ZNF521: variants seen among roughly 807,000 people sequenced by gnomAD.
ZNF521 encodes the protein LYST-interacting protein 3.
ZNF521 carries 14 observed loss-of-function variants against 105.5 expected under a neutral mutation model. The ratio of observed to expected loss-of-function variants is 0.13; its 90% CI spans 0.09 to 0.21. The LOEUF is 0.21. Among genes scored for constraint, ZNF521 ranks in the 10% least tolerant of loss-of-function variants. ZNF521 has a pLI of 1.00. For missense variants in ZNF521, 1,233 were observed against 1,629.7 expected, an observed-to-expected ratio of 0.76 and a Z score of 4.19; for synonymous variants, 635 against 606.0, an observed-to-expected ratio of 1.05 and a Z score of -0.70.
intron 3 of ZNF521, among the ~76,000 whole-genome samples, chr18:25,256,311 GAA>G (rs901141326): frequency 1.9e-4 from 29 of 152,144 alleles, no homozygotes; most frequent in African/African-American, 6.0e-4. Context: ...TTTGCAAGAT[GAA>G]AAGAGTTCTG....
rs534573339 is a variant in ZNF521 at position 25,334,135 on chromosome 18, A to C, written c.41-11948T>G. Reference sequence around the variant, plus strand: ...CTTCCAGAGGCATTCAATTTTTTTTAATCAGAAGACAAAGCCTTTAATTAT... The same window carrying C: ...CTTCCAGAGGCATTCAATTTTTTTTCATCAGAAGACAAAGCCTTTAATTAT... On this transcript the variant is annotated intron_variant, in intron 2 of 7. Coordinates refer to ENST00000361524, the MANE Select transcript of ZNF521 (RefSeq NM_015461.3). Among the ~76,000 whole-genome samples the C allele has an allele frequency of 2.6e-5, 4 of 152,282 alleles. No homozygotes were observed. The South Asian group carries it at 8.3e-4, about 32-fold the overall frequency.
chr18:25,083,790 GTC>G (rs538440894), intron 7 of ZNF521, among the ~76,000 whole-genome samples: 42 of 149,570 alleles, frequency 2.8e-4, no homozygotes, highest in Admixed American at 4.7e-4. Context: ...TTGAGACAAG[GTC>G]TCTCTCTCTC....
chr18:25,105,027 A>G (rs1480716259), intron 5 of ZNF521, among the ~76,000 whole-genome samples: 1 of 152,214 alleles, frequency 6.6e-6, no homozygotes, highest in Non-Finnish European at 1.5e-5. Flanking sequence ...AATAATTCTC[A>G]AAGAATTAGA....
intron 3 of ZNF521, among the ~76,000 whole-genome samples, chr18:25,270,361 G>A (rs1909568818): frequency 1.3e-5 from 2 of 152,126 alleles, no homozygotes; most frequent in African/African-American, 4.8e-5. Flanking sequence ...AGAGGAGCTG[G>A]TACCATTCCT....
chr18:25,162,958 A>G (rs1038350253), intron 5 of ZNF521, among the ~76,000 whole-genome samples: 4 of 152,176 alleles, frequency 2.6e-5, no homozygotes, highest in Non-Finnish European at 2.9e-5. Context: ...TTATTTAACT[A>G]TTAATCTAAG....
intron 3 of ZNF521, among the ~76,000 whole-genome samples, chr18:25,265,580 G>A (rs1909194343): frequency 6.6e-6 from 1 of 152,088 alleles, no homozygotes; most frequent in Admixed American, 6.6e-5. Flanking sequence ...CAATACGACT[G>A]TTCTCCAGCA....
At chr18:25,089,145 C>T (rs1031331119) in intron 7 of ZNF521, among the ~76,000 whole-genome samples, 2 of 152,128 alleles carry the variant, frequency 1.3e-5, no homozygotes, top group Admixed American at 1.3e-4. Flanking sequence ...ATGAATAAAA[C>T]AGGATTTGGG....
In ZNF521 at chr18:25,116,963, G is replaced by GTATATATACACA; in HGVS notation, c.3659-24883_3659-24882insTGTGTATATATA. ...TATATACACATATATATGTATATAT[G>GTATATATACACA]TATATATATGTATATATATATACAC... On this transcript the variant is annotated intron_variant, in intron 5 of 7. Transcript: ENST00000361524. Among the ~76,000 whole-genome samples, 4 of 85,750 alleles carry GTATATATACACA rather than the reference G, an allele frequency of 4.7e-5. 1 individual carries two copies. The highest frequency in any genetic ancestry group is 2.1e-4 in the African/African-American group (4 of 18,634). The allele number at this position is 85,750 out of a possible 152,430, so 56.3% of individuals were successfully genotyped here.
intron 2 of ZNF521, among the ~76,000 whole-genome samples, chr18:25,344,016 G>T (rs1914348657): frequency 6.6e-6 from 1 of 152,030 alleles, no homozygotes; most frequent in South Asian, 2.1e-4. Context: ...AGGGTCCCCA[G>T]GCAGCAGGAT....
At chr18:25,108,677 T>A (rs145153163) in intron 5 of ZNF521, among the ~76,000 whole-genome samples, 1 of 152,184 alleles carries the variant, frequency 6.6e-6, no homozygotes, top group Non-Finnish European at 1.5e-5. Flanking sequence ...CAGGTTGGAG[T>A]GCAGTGGCTC....
intron 5 of ZNF521, among the ~76,000 whole-genome samples, chr18:25,110,672 C>T (rs1266770506): frequency 6.7e-6 from 1 of 149,190 alleles, no homozygotes; most frequent in Non-Finnish European, 1.5e-5. Flanking sequence ...TTACTTTTGA[C>T]TAGCCCAAAA....
intron 4 of ZNF521, among the ~76,000 whole-genome samples, chr18:25,211,175 T>C (rs2036172227): frequency 6.6e-6 from 1 of 152,230 alleles, no homozygotes; most frequent in Non-Finnish European, 1.5e-5. Context: ...AATAAACTTG[T>C]AGTAATGAAC....
chr18:25,117,482 C>G (rs1283216503), intron 5 of ZNF521, among the ~76,000 whole-genome samples: 1 of 151,786 alleles, frequency 6.6e-6, no homozygotes, highest in African/African-American at 2.4e-5. Flanking sequence ...AACTAGCATC[C>G]AAGGATTTTA....
chr18:25,117,974 T>A (rs1043502696), intron 5 of ZNF521, among the ~76,000 whole-genome samples: 41 of 151,968 alleles, frequency 2.7e-4, no homozygotes, highest in Admixed American at 7.2e-4. Flanking sequence ...AAAGGGAACA[T>A]TTTAAAAGCA....
rs559436121 is a variant in ZNF521, at chr18:25,229,426, C to T, written c.221-1729G>A. 3.3e-5 allele frequency among the ~76,000 whole-genome samples: 5 copies of T among 152,200 alleles called. No homozygotes were observed. In the South Asian group the frequency reaches 1.0e-3, roughly 32 times the overall value. On this transcript the variant is annotated intron_variant, in intron 3 of 7. Transcript: ENST00000361524. ...CATCCTCATTTATAGGACTCTATAA[C>T]CCAACATGTTTCCAGCATAAGAAAG...
At chr18:25,277,484 A>T (rs963157688) in intron 3 of ZNF521, among the ~76,000 whole-genome samples, 3 of 152,356 alleles carry the variant, frequency 2.0e-5, no homozygotes, top group Admixed American at 6.5e-5. Context: ...TAGCGGAGTG[A>T]CATCAAAGAG....
chr18:25,201,905 G>T (rs1040099191), intron 4 of ZNF521: 3 of 152,068 alleles, frequency 2.0e-5, no homozygotes, highest in Admixed American at 2.0e-4. Flanking sequence ...AAGTAAGTGA[G>T]AATTATATAA....
intron 2 of ZNF521, among the ~76,000 whole-genome samples, chr18:25,329,196 T>A (rs1436874384): frequency 1.3e-5 from 2 of 152,218 alleles, no homozygotes; most frequent in Non-Finnish European, 2.9e-5. Context: ...TTTGGGATAC[T>A]GATCCTCAAG....
chr18:25,218,917 T>C lies in ZNF521; in HGVS notation c.3573+5428A>G, dbSNP rs1905515021. ...TTTGAACTGCATAGGTCCACTTATA[T>C]GTGTATTTTCTGCCTCTGCCACCCC... On this transcript the variant is annotated intron_variant, in intron 4 of 7. Transcript: ENST00000361524. Among the ~76,000 whole-genome samples, 5 of 152,036 alleles carry C rather than the reference T, an allele frequency of 3.3e-5. No homozygotes were observed. The South Asian group carries it at 1.0e-3, about 32-fold the overall frequency.
Sources: gnomAD v4.1 joint callset for allele counts (sites outside exome capture counted in the v4.1 genomes callset) on GRCh38, gnomAD v4.1.1 for gene constraint, MANE v1.5 for transcripts, NCBI Gene and HGNC (gene_info 2026-07-23, HGNC 2026-07-21) for gene names.